The following GRIN2B variants were observed in gnomAD, a reference collection of about 807,000 sequenced individuals.
GRIN2B encodes the protein glutamate ionotropic receptor NMDA type subunit 2B, also known as glutamate receptor ionotropic, NMDA 2B.
A neutral mutation model predicts 114.5 loss-of-function variants in GRIN2B; 5 were observed. The observed-to-expected ratio is 0.04, with a 90% CI of 0.02 to 0.09. The LOEUF (loss-of-function observed/expected upper bound fraction) is 0.09, where lower values mean the gene tolerates loss of function less well. GRIN2B is among the 10% of genes least tolerant of loss of function. The pLI, the probability that GRIN2B is intolerant of heterozygous loss-of-function variation, is 1.00. For missense variants in GRIN2B, 1,108 were observed against 1,943.5 expected, an observed-to-expected ratio of 0.57 and a Z score of 8.08; for synonymous variants, 787 against 745.1, an observed-to-expected ratio of 1.06 and a Z score of -0.92.
intron 3 of GRIN2B, among the ~76,000 whole-genome samples, chr12:13,821,034 A>G (rs1864924933): frequency 6.6e-6 from 1 of 151,762 alleles, no homozygotes; most frequent in African/African-American, 2.4e-5. Flanking sequence ...CTACCGTACA[A>G]AGTTTGCCCC....
In GRIN2B at chr12:13,845,625, TC is replaced by T. The variant is rs140186521; in HGVS notation, c.411+20172del. On this transcript the variant is annotated intron_variant, in intron 3 of 13. Coordinates refer to ENST00000609686, the MANE Select transcript of GRIN2B (RefSeq NM_000834.5). ...CACTTAATCTTTCTTGGCCTCAGTG[TC>T]CTCTATTGTAAAATAAGGGCATGAG... 8.9e-3 allele frequency among the ~76,000 whole-genome samples: 1,358 copies of T among 152,272 alleles called. 8 individuals are homozygous for T. Among genetic ancestry groups the T allele is most frequent in the Non-Finnish European group, 0.014 (923 of 68,006 alleles).
chr12:13,638,455 G>T (rs926768946), intron 5 of GRIN2B, among the ~76,000 whole-genome samples: 3 of 152,072 alleles, frequency 2.0e-5, no homozygotes, highest in Non-Finnish European at 4.4e-5. Flanking sequence ...AACAGAAGGG[G>T]GTTATTGGCA....
At chr12:13,922,840 A>C (rs1360442781) in intron 2 of GRIN2B, among the ~76,000 whole-genome samples, 1 of 152,148 alleles carries the variant, frequency 6.6e-6, no homozygotes, top group African/African-American at 2.4e-5. Flanking sequence ...AACATGCCCC[A>C]ACCTCCCTTC....
Position 13,886,622 on chromosome 12 carries a change from G to C in GRIN2B, c.-18-20396C>G, listed in dbSNP as rs182718732. 1.1e-4 allele frequency among the ~76,000 whole-genome samples: 17 copies of C among 152,234 alleles called. No individual in the cohort carries two copies. In the East Asian group the frequency reaches 3.1e-3, roughly 28 times the overall value. On this transcript the variant is annotated intron_variant, in intron 2 of 13. Coordinates refer to ENST00000609686, the MANE Select transcript of GRIN2B (RefSeq NM_000834.5). The stretch of plus-strand genomic sequence containing the variant: ...GAATGAGAAGCAGAACCGAGTTCCC[G>C]CAGCCAGCAGGGAAAGGAGACAAGG...
chr12:13,821,330 TCA>T (rs1456704324), intron 3 of GRIN2B, among the ~76,000 whole-genome samples: 1 of 152,182 alleles, frequency 6.6e-6, no homozygotes, highest in Non-Finnish European at 1.5e-5. Flanking sequence ...AGGGCTCTGT[TCA>T]CACACACTTA....
In GRIN2B at chr12:13,713,264, G is replaced by A. The variant is rs74400107; in HGVS notation, c.1011-37405C>T. On this transcript the variant is annotated intron_variant, in intron 4 of 13. Coordinates refer to ENST00000609686, the MANE Select transcript of GRIN2B (RefSeq NM_000834.5). ...TTGATGCTCTCCTTTTATGCTCCTA[G>A]CAGACATAATTAGCAGACACTGATG... Among the ~76,000 whole-genome samples the A allele has an allele frequency of 3.2e-4, 49 of 151,794 alleles. 1 individual carries two copies. The East Asian group carries it at 9.4e-3, about 29-fold the overall frequency.
chr12:13,828,215 A>AT (rs1302802695), intron 3 of GRIN2B, among the ~76,000 whole-genome samples: 1 of 152,214 alleles, frequency 6.6e-6, no homozygotes, highest in Non-Finnish European at 1.5e-5. Context: ...GCATTATCTA[A>AT]TAACCTTTAT....
chr12:13,805,464 A>G (rs1864584722), intron 3 of GRIN2B, among the ~76,000 whole-genome samples: 1 of 152,204 alleles, frequency 6.6e-6, no homozygotes, highest in Non-Finnish European at 1.5e-5. Flanking sequence ...AGTGCTAACT[A>G]CAGCACAAGA....
At chr12:13,775,766 ATTG>A (rs2136650341) in intron 3 of GRIN2B, among the ~76,000 whole-genome samples, 1 of 152,236 alleles carries the variant, frequency 6.6e-6, no homozygotes, top group African/African-American at 2.4e-5. Context: ...ATGATATGTC[ATTG>A]TTGTTTTAAT....
chr12:13,844,751 T>A (rs1865441304), intron 3 of GRIN2B, among the ~76,000 whole-genome samples: 1 of 152,202 alleles, frequency 6.6e-6, no homozygotes, highest in Non-Finnish European at 1.5e-5. Context: ...TCTTCACTTT[T>A]CAGAGAGAGA....
intron 2 of GRIN2B, among the ~76,000 whole-genome samples, chr12:13,926,308 T>A (rs897949853): frequency 7.9e-5 from 12 of 152,304 alleles, no homozygotes; most frequent in African/African-American, 2.9e-4. Flanking sequence ...CACTTCCAGG[T>A]TCACTGCTCT....
At chr12:13,955,661 C>T (rs1227774931) in intron 2 of GRIN2B, among the ~76,000 whole-genome samples, 1 of 152,046 alleles carries the variant, frequency 6.6e-6, no homozygotes, top group Non-Finnish European at 1.5e-5. Flanking sequence ...ACACTGGAGC[C>T]GGCTTCTTCA....
chr12:13,639,156 A>G lies in GRIN2B; in HGVS notation c.1126-22499T>C, dbSNP rs555506320. On this transcript the variant is annotated intron_variant, in intron 5 of 13. Coordinates refer to ENST00000609686, the MANE Select transcript of GRIN2B (RefSeq NM_000834.5). ...CATCAAATCCAATTGTCTCTACCAA[A>G]GCCATATTCTTTCCAGGCAAGGTAG... is the stretch of plus-strand genomic sequence containing the variant. Among the ~76,000 whole-genome samples the G allele has an allele frequency of 5.3e-5, 8 of 152,236 alleles. No homozygotes were observed. The South Asian group carries it at 1.7e-3, about 32-fold the overall frequency.
At chr12:13,609,114 T>A (rs933826454) in intron 9 of GRIN2B, among the ~76,000 whole-genome samples, 2 of 152,148 alleles carry the variant, frequency 1.3e-5, no homozygotes, top group Non-Finnish European at 2.9e-5. Flanking sequence ...GGAGGAGCCA[T>A]CAACCTGCCC....
chr12:13,685,044 G>A (rs999493622), intron 4 of GRIN2B, among the ~76,000 whole-genome samples: 1 of 152,098 alleles, frequency 6.6e-6, no homozygotes, highest in African/African-American at 2.4e-5. Context: ...ATGTACTCAA[G>A]GCCTACTGAG....
chr12:13,857,915 G>A (rs190247164), intron 3 of GRIN2B, among the ~76,000 whole-genome samples: 36 of 152,124 alleles, frequency 2.4e-4, no homozygotes, highest in Non-Finnish European at 3.4e-4. Flanking sequence ...TAACGCTGGA[G>A]CAGCCACCTT....
chr12:13,820,689 A>G (rs1864917626), intron 3 of GRIN2B, among the ~76,000 whole-genome samples: 1 of 152,182 alleles, frequency 6.6e-6, no homozygotes, highest in Non-Finnish European at 1.5e-5. Flanking sequence ...TAATGAATAA[A>G]TGAACTGGGA....
At chr12:13,717,812 T>A (rs1488533370) in intron 4 of GRIN2B, among the ~76,000 whole-genome samples, 1 of 152,026 alleles carries the variant, frequency 6.6e-6, no homozygotes, top group East Asian at 1.9e-4. Context: ...AATGGACTCA[T>A]TCTTTTGCCG....
intron 2 of GRIN2B, among the ~76,000 whole-genome samples, chr12:13,973,265 A>T (rs1483950564): frequency 1.3e-5 from 2 of 152,170 alleles, no homozygotes; most frequent in African/African-American, 2.4e-5. Flanking sequence ...GGTCTATATA[A>T]AGATTAATGG....
Sources: allele counts gnomAD v4.1 joint callset (sites outside exome capture counted in the v4.1 genomes callset), GRCh38; gene constraint gnomAD v4.1.1; transcripts MANE v1.5; gene names NCBI Gene and HGNC (gene_info 2026-07-23, HGNC 2026-07-21).